The following BNC2 variants were observed in gnomAD, a reference collection of about 807,000 sequenced individuals.
BNC2 encodes the protein zinc finger protein basonuclin-2.
A neutral mutation model predicts 76.3 loss-of-function variants in BNC2; 20 were observed. The ratio of observed to expected loss-of-function variants is 0.26; its 90% CI spans 0.18 to 0.38. BNC2 has a LOEUF of 0.38. Ranked by LOEUF, BNC2 falls within the 10% of genes least tolerant of loss-of-function variation. The pLI, the probability that BNC2 is intolerant of heterozygous loss-of-function variation, is 1.00. For synonymous variants in BNC2, 582 were observed against 514.8 expected (o/e 1.13, Z -1.77); for missense variants, 1,382 against 1,399.8 (o/e 0.99, Z 0.20).
chr9:16,525,320 C>G (rs1012667472), intron 5 of BNC2, among the ~76,000 whole-genome samples: 4 of 151,938 alleles, frequency 2.6e-5, no homozygotes, highest in African/African-American at 7.3e-5. Context: ...AGGTAAAGAG[C>G]TGAAAACCAA....
chr9:16,740,485 G>C (rs1824812337), intron 1 of BNC2, among the ~76,000 whole-genome samples: 1 of 152,166 alleles, frequency 6.6e-6, no homozygotes, highest in African/African-American at 2.4e-5. Context: ...TAGGCTTTGT[G>C]TCATAAGAGT....
At chr9:16,479,542 G>A (rs1413833710) in intron 5 of BNC2, among the ~76,000 whole-genome samples, 1 of 152,148 alleles carries the variant, frequency 6.6e-6, no homozygotes, top group Non-Finnish European at 1.5e-5. Flanking sequence ...GAATTGTACA[G>A]TGAGCACTTA....
intron 1 of BNC2, among the ~76,000 whole-genome samples, chr9:16,794,050 G>C (rs1817584619): frequency 6.6e-6 from 1 of 151,886 alleles, no homozygotes; most frequent in Non-Finnish European, 1.5e-5. Context: ...ATATACATTG[G>C]ATTGTGTGAC....
intron 5 of BNC2, among the ~76,000 whole-genome samples, chr9:16,526,375 T>C (rs1817800526): frequency 6.7e-6 from 1 of 150,360 alleles, no homozygotes; most frequent in South Asian, 2.1e-4. Context: ...ACCAACATAA[T>C]ACCTAACTGA....
At chr9:16,823,427 CAAAAAA>C (rs34451487) in intron 1 of BNC2, among the ~76,000 whole-genome samples, 3 of 113,116 alleles carry the variant, frequency 2.7e-5, no homozygotes, top group East Asian at 2.4e-4. Flanking sequence ...CCTGTCTCTA[CAAAAAA>C]AAAAAAAAAA....
intron 5 of BNC2, among the ~76,000 whole-genome samples, chr9:16,463,000 C>G (rs550802570): frequency 6.6e-6 from 1 of 152,140 alleles, no homozygotes; most frequent in Admixed American, 6.5e-5. Flanking sequence ...TCATTTCCCC[C>G]GCAGCCCACC....
intron 1 of BNC2, among the ~76,000 whole-genome samples, chr9:16,856,358 C>A (rs552358839): frequency 6.6e-6 from 1 of 151,984 alleles, no homozygotes; most frequent in African/African-American, 2.4e-5. Context: ...GTCATGTCAG[C>A]GACTGGTTGC....
At chr9:16,549,958 ATAT>A (rs1818608974) in intron 5 of BNC2, among the ~76,000 whole-genome samples, 1 of 152,054 alleles carries the variant, frequency 6.6e-6, no homozygotes, top group Non-Finnish European at 1.5e-5. Flanking sequence ...GAATGGAGAA[ATAT>A]TATATTAAAT....
chr9:16,480,817 T>A (rs563422568), intron 5 of BNC2, among the ~76,000 whole-genome samples: 1 of 152,240 alleles, frequency 6.6e-6, no homozygotes, highest in South Asian at 2.1e-4. Flanking sequence ...CTGTGCGGCC[T>A]GAGCCTCCCC....
At chr9:16,619,743 A>G (rs1820810753) in intron 3 of BNC2, among the ~76,000 whole-genome samples, 1 of 152,150 alleles carries the variant, frequency 6.6e-6, no homozygotes. Flanking sequence ...AAGGATTATT[A>G]TTACTGCTGC....
chr9:16,714,629 C>A (rs1324092057), intron 3 of BNC2, among the ~76,000 whole-genome samples: 1 of 152,166 alleles, frequency 6.6e-6, no homozygotes, highest in Non-Finnish European at 1.5e-5. Context: ...ATGTTTAAAA[C>A]ACAAATGGCT....
chr9:16,725,523 A>C (rs547572317), intron 3 of BNC2, among the ~76,000 whole-genome samples: 57 of 152,290 alleles, frequency 3.7e-4, no homozygotes, highest in Non-Finnish European at 6.6e-4. Flanking sequence ...AAACCAAAAA[A>C]AAAAGAAAAC....
intron 3 of BNC2, among the ~76,000 whole-genome samples, chr9:16,725,633 G>C (rs972054235): frequency 1.3e-5 from 2 of 152,010 alleles, no homozygotes; most frequent in African/African-American, 2.4e-5. Flanking sequence ...GCATAAATTA[G>C]TTCCCTATAT....
At chr9:16,830,669 A>C (rs1395293843) in intron 1 of BNC2, among the ~76,000 whole-genome samples, 1 of 152,204 alleles carries the variant, frequency 6.6e-6, no homozygotes, top group Non-Finnish European at 1.5e-5. Flanking sequence ...TTCCATTTCT[A>C]AGTATCTAAG....
intron 5 of BNC2, among the ~76,000 whole-genome samples, chr9:16,506,628 C>T (rs979515136): frequency 1.4e-5 from 2 of 144,720 alleles, no homozygotes; most frequent in Non-Finnish European, 3.0e-5. Context: ...TTGCTTCAAA[C>T]GATTCTCCTG....
At chr9:16,527,257 T>G (rs1312270497) in intron 5 of BNC2, among the ~76,000 whole-genome samples, 1 of 152,140 alleles carries the variant, frequency 6.6e-6, no homozygotes, top group Non-Finnish European at 1.5e-5. Flanking sequence ...CAACTCTTAG[T>G]TTGCAAACAT....
At chr9:16,858,921 T>C (rs570401305) in intron 1 of BNC2, among the ~76,000 whole-genome samples, 2 of 151,664 alleles carry the variant, frequency 1.3e-5, no homozygotes, top group Admixed American at 6.6e-5. Context: ...AGTGAAGAGA[T>C]AAACTATAGA....
Position 16,727,798 on chromosome 9 carries a change from T to C in BNC2, c.329A>G (p.Gln110Arg). The change falls in exon 3 of 7, where the codon CAG (glutamine) becomes CGG (arginine). Residue 110 changes from glutamine (Q) to arginine (R), a missense_variant and splice_region_variant. By Grantham distance (43) the Gln-to-Arg change is conservative. Transcript: ENST00000380672. ...AAATCAAGAAAGAAAGTAACTTACC[T>C]GTTGGGACATTCTGAATAAGAGGTT... ...DTNLLFRMSQ[Q>R]AIRCTLVNCT... 6.2e-7 allele frequency: 1 copy of C among 1,613,132 alleles called. No homozygotes were observed. The highest frequency in any genetic ancestry group is 8.5e-7 in the Non-Finnish European group (1 of 1,179,362).
intron 1 of BNC2, among the ~76,000 whole-genome samples, chr9:16,748,598 TGTGGGAGGCCAAG>T (rs1162067079): frequency 1.3e-5 from 2 of 152,010 alleles, no homozygotes; most frequent in African/African-American, 4.8e-5. Flanking sequence ...ATCCCAGCAC[TGTGGGAGGCCAAG>T]GTGGGTGGAC....
Sources: gnomAD v4.1 joint callset for allele counts (sites outside exome capture counted in the v4.1 genomes callset) on GRCh38, gnomAD v4.1.1 for gene constraint, MANE v1.5 for transcripts, NCBI Gene and HGNC (gene_info 2026-07-23, HGNC 2026-07-21) for gene names.